ARHGEF3: variants seen among roughly 807,000 people sequenced by gnomAD.
ARHGEF3 encodes the protein 59.8 kDA protein.
ARHGEF3 carries 28 observed loss-of-function variants against 63.2 expected under a neutral mutation model. The ratio of observed to expected loss-of-function variants is 0.44; its 90% confidence interval spans 0.33 to 0.61. ARHGEF3 has a LOEUF of 0.61. ARHGEF3 is among the 20% of genes least tolerant of loss of function. The pLI, the probability that ARHGEF3 is intolerant of heterozygous loss-of-function variation, is 0.03. For missense variants in ARHGEF3, 533 were observed against 659.3 expected (o/e 0.81, Z 2.10); for synonymous variants, 266 against 254.2 (o/e 1.05, Z -0.44).
chr3:56,735,974 G>C (rs2033593284), intron 8 of ARHGEF3, among the ~76,000 whole-genome samples: 1 of 151,876 alleles, frequency 6.6e-6, no homozygotes, highest in Admixed American at 6.6e-5. Context: ...TCTAAGGGTT[G>C]GCTAGATACT....
intron 3 of ARHGEF3, among the ~76,000 whole-genome samples, chr3:56,926,234 G>T (rs2042272249): frequency 6.6e-6 from 1 of 152,160 alleles, no homozygotes; most frequent in African/African-American, 2.4e-5. Context: ...TGAGAAGTGG[G>T]AACAGCAAAG....
At chr3:56,753,115 C>T (rs976068936) in intron 4 of ARHGEF3, among the ~76,000 whole-genome samples, 3 of 152,228 alleles carry the variant, frequency 2.0e-5, no homozygotes, top group African/African-American at 7.2e-5. Context: ...ACTTTATTCA[C>T]TTTTGAGATT....
intron 1 of ARHGEF3, chr3:57,076,998 T>C (rs1246743965): frequency 6.6e-6 from 1 of 151,156 alleles, no homozygotes; most frequent in Admixed American, 6.6e-5. Context: ...TTGGACAGAG[T>C]GGTCAGAAAA....
chr3:56,941,533 C>T (rs1465742695), intron 3 of ARHGEF3, among the ~76,000 whole-genome samples: 4 of 152,192 alleles, frequency 2.6e-5, no homozygotes, highest in African/African-American at 9.7e-5. Context: ...ATGAAACACC[C>T]CGATGTGTTC....
intron 1 of ARHGEF3, among the ~76,000 whole-genome samples, chr3:57,048,647 T>A (rs1218620888): frequency 1.3e-5 from 2 of 152,118 alleles, no homozygotes; most frequent in Non-Finnish European, 1.5e-5. Context: ...TCCTTAAGGC[T>A]GGCTGGGAGA....
intron 4 of ARHGEF3, among the ~76,000 whole-genome samples, chr3:56,847,366 TG>T (rs2039524810): frequency 6.6e-6 from 1 of 152,192 alleles, no homozygotes; most frequent in Non-Finnish European, 1.5e-5. Flanking sequence ...ACCTTCAATT[TG>T]GTTTCCCAAG....
chr3:56,912,201 T>C (rs1223366406), intron 3 of ARHGEF3, among the ~76,000 whole-genome samples: 1 of 152,226 alleles, frequency 6.6e-6, no homozygotes, highest in Non-Finnish European at 1.5e-5. Context: ...TTTAGATTCA[T>C]ATCTGAGCTA....
At chr3:56,920,929 C>G (rs1217849797) in intron 3 of ARHGEF3, among the ~76,000 whole-genome samples, 2 of 151,800 alleles carry the variant, frequency 1.3e-5, no homozygotes, top group Non-Finnish European at 2.9e-5. Flanking sequence ...GTGGCGGGCA[C>G]CTGTAGTCCC....
At chr3:57,040,021 G>A (rs183302444) in intron 1 of ARHGEF3, among the ~76,000 whole-genome samples, 2 of 152,296 alleles carry the variant, frequency 1.3e-5, no homozygotes, top group East Asian at 3.9e-4. Context: ...CTACCCAAAT[G>A]CTTATCAACA....
At chr3:56,824,453 C>T (rs1229925737) in intron 4 of ARHGEF3, among the ~76,000 whole-genome samples, 1 of 152,138 alleles carries the variant, frequency 6.6e-6, no homozygotes, top group Non-Finnish European at 1.5e-5. Context: ...CCCAGGACAA[C>T]CTTTAGAGCT....
At chr3:56,923,954 G>A (rs2042215533) in intron 3 of ARHGEF3, among the ~76,000 whole-genome samples, 2 of 152,204 alleles carry the variant, frequency 1.3e-5, no homozygotes, top group Non-Finnish European at 2.9e-5. Flanking sequence ...TCCCAGTTAG[G>A]GCTCTGCCCT....
At chr3:56,896,322 TA>T (rs1202652835) in intron 3 of ARHGEF3, among the ~76,000 whole-genome samples, 1 of 152,182 alleles carries the variant, frequency 6.6e-6, no homozygotes, top group Non-Finnish European at 1.5e-5. Context: ...TTTTTCTTCC[TA>T]ATTATTTGAG....
intron 2 of ARHGEF3, among the ~76,000 whole-genome samples, chr3:56,966,952 C>T (rs1700523371): frequency 6.6e-6 from 1 of 150,902 alleles, no homozygotes; most frequent in Admixed American, 6.6e-5. Flanking sequence ...CAACCTCCAC[C>T]TCCTGGGTTC....
chr3:57,041,252 A>T (rs1302037274), intron 1 of ARHGEF3, among the ~76,000 whole-genome samples: 1 of 152,150 alleles, frequency 6.6e-6, no homozygotes, highest in Admixed American at 6.6e-5. Context: ...TATGCACCAG[A>T]CTCAGTGCTC....
intron 3 of ARHGEF3, among the ~76,000 whole-genome samples, chr3:56,906,148 C>A (rs532985455): frequency 8.6e-5 from 13 of 151,946 alleles, no homozygotes; most frequent in East Asian, 7.8e-4. Context: ...CAGGTGTGAG[C>A]AACCGCGCCC....
upstream of ARHGEF3, among the ~76,000 whole-genome samples, chr3:56,803,996 C>T (rs530341401): frequency 7.3e-5 from 11 of 151,442 alleles, no homozygotes; most frequent in Non-Finnish European, 1.5e-4. Flanking sequence ...GTGATCTTTC[C>T]ACCTCAGCCT....
At position 57,016,596 on chromosome 3, in the gene ARHGEF3, T is replaced by C. The variant is rs553673334; in HGVS notation, c.62+18492A>G. On this transcript the variant is annotated intron_variant, in intron 2 of 12. Transcript: ENST00000338458. Reference sequence around the variant, plus strand: ...AGGAGATCAAATCACATAATGTCCATGCAAATGTTTTATTATTTTAAAGAC... The same window carrying C: ...AGGAGATCAAATCACATAATGTCCACGCAAATGTTTTATTATTTTAAAGAC... Among the ~76,000 whole-genome samples the C allele has an allele frequency of 2.6e-5, 4 of 152,278 alleles. No individual in the cohort carries two copies. The South Asian group carries it at 8.3e-4, about 32-fold the overall frequency.
At position 56,850,966 on chromosome 3, in the gene ARHGEF3, G is replaced by A. The variant is rs183508003; in HGVS notation, c.192+31326C>T. Among the ~76,000 whole-genome samples the A allele has an allele frequency of 3.3e-5, 5 of 152,342 alleles. No homozygotes were observed. The East Asian group carries it at 7.7e-4, about 23-fold the overall frequency. Reference sequence around the variant, plus strand: ...AGGTCAAGTCACTTGATGAAGTCATGTAGCTAGTAAGTGGTAGAGTGAAGA... The same window carrying A: ...AGGTCAAGTCACTTGATGAAGTCATATAGCTAGTAAGTGGTAGAGTGAAGA... On this transcript the variant is annotated intron_variant, in intron 4 of 12. Coordinates refer to the ARHGEF3 transcript ENST00000338458.
chr3:57,046,985 G>A (rs2107286256), intron 1 of ARHGEF3, among the ~76,000 whole-genome samples: 1 of 152,244 alleles, frequency 6.6e-6, no homozygotes, highest in South Asian at 2.1e-4. Context: ...TTTTACATAA[G>A]CTATTAAAAC....
Sources: gnomAD v4.1 joint callset for allele counts (sites outside exome capture counted in the v4.1 genomes callset) on GRCh38, gnomAD v4.1.1 for gene constraint, MANE v1.5 for transcripts, NCBI Gene and HGNC (gene_info 2026-07-23, HGNC 2026-07-21) for gene names.